Variants in VPS13B observed in about 807,000 individuals in gnomAD.
VPS13B encodes vacuolar protein sorting 13 homolog B.
In VPS13B, 285 loss-of-function variants were observed where a neutral mutation model predicts 426.4. That is an observed-to-expected ratio of 0.67 (90% CI 0.61 to 0.74). VPS13B has a LOEUF of 0.74. VPS13B is among the 30% of genes least tolerant of loss of function. The probability of loss-of-function intolerance (pLI) is 0.00; values close to 1 mark genes in which losing one functional copy is unlikely to be tolerated. For synonymous variants in VPS13B, 1,676 were observed against 1,676.4 expected (o/e 1.00, Z 0.01); for missense variants, 4,537 against 4,782.6 (o/e 0.95, Z 1.51).
intron 35 of VPS13B, among the ~76,000 whole-genome samples, chr8:99,693,315 A>T (rs1449954669): frequency 6.6e-6 from 1 of 150,394 alleles, no homozygotes; most frequent in East Asian, 1.9e-4. Flanking sequence ...TGGCAAACCG[A>T]ATCCAGCAGC....
chr8:99,552,187 G>T (rs1168991149), intron 30 of VPS13B, among the ~76,000 whole-genome samples: 1 of 151,652 alleles, frequency 6.6e-6, no homozygotes, highest in East Asian at 1.9e-4. Context: ...GTTCTACATG[G>T]TTCTTTTTAA....
chr8:99,331,320 A>G (rs553299413), intron 19 of VPS13B, among the ~76,000 whole-genome samples: 1 of 151,942 alleles, frequency 6.6e-6, no homozygotes, highest in Non-Finnish European at 1.5e-5. Flanking sequence ...GTTACTCACT[A>G]GTCATTTACT....
intron 19 of VPS13B, among the ~76,000 whole-genome samples, chr8:99,352,987 A>G (rs959029248): frequency 6.6e-6 from 1 of 151,846 alleles, no homozygotes; most frequent in African/African-American, 2.4e-5. Flanking sequence ...ACTTATTATT[A>G]TTATTATTTT....
At chr8:99,116,793 A>G (rs1459584065) in intron 7 of VPS13B, among the ~76,000 whole-genome samples, 1 of 152,180 alleles carries the variant, frequency 6.6e-6, no homozygotes, top group African/African-American at 2.4e-5. Context: ...AGTAAATAAT[A>G]GTATTGGTAA....
At chr8:99,370,769 C>G (rs1813134607) in intron 19 of VPS13B, among the ~76,000 whole-genome samples, 1 of 151,842 alleles carries the variant, frequency 6.6e-6, no homozygotes. Context: ...ACCACCATGC[C>G]CGACTAATTT....
chr8:99,120,976 GGAGA>G (rs1197355492), intron 7 of VPS13B, among the ~76,000 whole-genome samples, 197 bp from the exon 8 acceptor site: 17 of 152,118 alleles, frequency 1.1e-4, no homozygotes, highest in Non-Finnish European at 2.5e-4. Context: ...ACCTACTAAA[GGAGA>G]AAGATACGGT....
chr8:99,612,063 T>G (rs1827865786), intron 33 of VPS13B, among the ~76,000 whole-genome samples: 1 of 152,166 alleles, frequency 6.6e-6, no homozygotes, highest in Non-Finnish European at 1.5e-5. Flanking sequence ...TTAAGTTATT[T>G]TCCAAAGGTC....
chr8:99,777,051 G>A (rs978779955), intron 41 of VPS13B, 95 bp downstream of exon 41: 17 of 1,456,272 alleles, frequency 1.2e-5, no homozygotes, highest in Admixed American at 1.0e-4. Flanking sequence ...CTTAGATAAT[G>A]TATTTTCAGG....
chr8:99,223,197 A>T (rs1815826074), intron 17 of VPS13B, among the ~76,000 whole-genome samples: 6 of 152,218 alleles, frequency 3.9e-5, no homozygotes, highest in Admixed American at 3.9e-4. Flanking sequence ...TTTACTGTGT[A>T]TTAGGAAAAA....
At chr8:99,749,649 A>T (rs1810291144) in intron 39 of VPS13B, among the ~76,000 whole-genome samples, 1 of 152,048 alleles carries the variant, frequency 6.6e-6, no homozygotes, top group Non-Finnish European at 1.5e-5. Context: ...CTGTTGATGG[A>T]CACTTGGGTT....
intron 17 of VPS13B, among the ~76,000 whole-genome samples, chr8:99,194,337 C>T (rs1813777599): frequency 6.6e-6 from 1 of 152,258 alleles, no homozygotes; most frequent in Admixed American, 6.5e-5. Context: ...TTTGTATCCT[C>T]TTTTTGAATT....
intron 17 of VPS13B, among the ~76,000 whole-genome samples, chr8:99,269,928 T>C (rs1169426424): frequency 6.6e-6 from 1 of 151,958 alleles, no homozygotes; most frequent in Non-Finnish European, 1.5e-5. Flanking sequence ...CCCTTCCTTA[T>C]AAAAATCTGA....
At position 99,776,775 on chromosome 8, in the gene VPS13B, C is replaced by T. The variant is rs886043216; in HGVS notation, c.7248C>T (p.Ser2416=). The change falls in exon 41 of 62, where the codon AGC becomes AGT. Residue 2416 remains serine (S), a splice_region_variant and synonymous_variant. Coordinates refer to ENST00000357162, the MANE Select transcript of VPS13B (RefSeq NM_152564.5). ...NSSQNGADDQ[S]SASESGSQST... ...TTCTTTTATCACTTCTTTCCCATAG[C>T]TCTGCAAGTGAGTCTGGTTCTCAAA... The T allele has an allele frequency of 1.2e-5, 20 of 1,614,018 alleles. No homozygotes were observed. Among genetic ancestry groups the T allele is most frequent in the Non-Finnish European group, 1.7e-5 (20 of 1,179,938 alleles).
chr8:99,429,681 A>G (rs1285827778), intron 21 of VPS13B: 3 of 152,192 alleles, frequency 2.0e-5, no homozygotes, highest in African/African-American at 7.2e-5. Context: ...TGAAATGGAT[A>G]CAGCATTTTA....
intron 17 of VPS13B, among the ~76,000 whole-genome samples, chr8:99,205,235 T>A (rs1363449775): frequency 1.3e-5 from 2 of 152,114 alleles, no homozygotes; most frequent in Non-Finnish European, 2.9e-5. Context: ...ACCATCATTC[T>A]CAGCAAACTA....
Position 99,024,943 on chromosome 8 carries a change from T to C in VPS13B, c.147+11008T>C, listed in dbSNP as rs1010986988. 3.3e-5 allele frequency among the ~76,000 whole-genome samples: 5 copies of C among 152,310 alleles called. No homozygotes were observed. The South Asian group carries it at 8.3e-4, about 25-fold the overall frequency. ...AACATGAGATGTCTTTCTAATTTCT[T>C]TGTGTCTTCCTCAATTTCTTTCACC... On this transcript the variant is annotated intron_variant, in intron 2 of 61. Coordinates refer to ENST00000357162, the MANE Select transcript of VPS13B (RefSeq NM_152564.5).
chr8:99,663,732 CA>C (rs975783758), intron 35 of VPS13B, among the ~76,000 whole-genome samples: 10 of 152,128 alleles, frequency 6.6e-5, no homozygotes, highest in African/African-American at 2.4e-4. Flanking sequence ...GGAAGAGTGA[CA>C]GGGGAAACTT....
chr8:99,492,394 C>A (rs568119989), intron 25 of VPS13B, among the ~76,000 whole-genome samples: 1 of 152,316 alleles, frequency 6.6e-6, no homozygotes, highest in South Asian at 2.1e-4. Context: ...CCACCACTCT[C>A]TTTAGAGCTG....
At chr8:99,825,074 T>A (rs983796300) in intron 51 of VPS13B, among the ~76,000 whole-genome samples, 3 of 152,174 alleles carry the variant, frequency 2.0e-5, no homozygotes, top group African/African-American at 4.8e-5. Context: ...ATGATTTATA[T>A]TCCTTTGGGT....
Sources: gnomAD v4.1 joint callset for allele counts (sites outside exome capture counted in the v4.1 genomes callset) on GRCh38, gnomAD v4.1.1 for gene constraint, MANE v1.5 for transcripts, NCBI Gene and HGNC (gene_info 2026-07-23, HGNC 2026-07-21) for gene names.